The following TLN2 variants were observed in gnomAD, a reference collection of about 807,000 sequenced individuals.
The protein encoded by TLN2 is talin-2.
TLN2 carries 118 observed loss-of-function variants against 294.7 expected under a neutral mutation model. The ratio of observed to expected loss-of-function variants is 0.40; its 90% CI spans 0.34 to 0.47. The LOEUF is 0.47. Ranked by LOEUF, TLN2 falls within the 20% of genes least tolerant of loss-of-function variation. TLN2 has a pLI of 0.84. For synonymous variants in TLN2, 1,431 were observed against 1,304.5 expected (o/e 1.10, Z -2.09); for missense variants, 3,083 against 3,282.2 (o/e 0.94, Z 1.48).
At chr15:62,687,113 T>C (rs1243670365) in intron 12 of TLN2, among the ~76,000 whole-genome samples, 2 of 152,186 alleles carry the variant, frequency 1.3e-5, no homozygotes, top group Non-Finnish European at 2.9e-5. Flanking sequence ...CCCTAGCATA[T>C]ACTGAAAGGA....
chr15:62,728,440 A>G (rs1016441079), intron 28 of TLN2, among the ~76,000 whole-genome samples: 2 of 152,224 alleles, frequency 1.3e-5, no homozygotes, highest in Admixed American at 1.3e-4. Context: ...TTTAGTGAAC[A>G]TAGTAAGCAT....
chr15:62,831,425 T>A (rs776648855), intron 54 of TLN2: 21 of 152,068 alleles, frequency 1.4e-4, no homozygotes, highest in Non-Finnish European at 2.9e-4. Flanking sequence ...TTTGGCAGAA[T>A]GAATTTCCAG....
At chr15:62,734,562 C>A (rs1311635978) in intron 28 of TLN2, among the ~76,000 whole-genome samples, 1 of 152,226 alleles carries the variant, frequency 6.6e-6, no homozygotes, top group Non-Finnish European at 1.5e-5. Flanking sequence ...AATGACCATT[C>A]TCCTCAGATT....
intron 1 of TLN2, among the ~76,000 whole-genome samples, chr15:62,494,251 A>G (rs930412230): frequency 1.3e-5 from 2 of 151,854 alleles, no homozygotes; most frequent in Non-Finnish European, 2.9e-5. Context: ...GGCTGAGGGC[A>G]GTGGACCCTT....
Position 62,771,112 on chromosome 15 carries a change from A to G in TLN2, c.5345A>G (p.Lys1782Arg), listed in dbSNP as rs1206096300. 5.6e-6 allele frequency: 9 copies of G among 1,610,740 alleles called. No homozygotes were observed. In the African/African-American group the frequency reaches 6.7e-5, roughly 12 times the overall value. Reference protein sequence around the residue: ...ESALQMLYAAKEGGGNPKAQH... With the variant: ...ESALQMLYAAREGGGNPKAQH... ...GCCTTGCAGATGTTGTATGCAGCCAAAGAAGGTGGCGGAAACCCCAAGGTA... is the reference window on the plus strand; with the variant it reads ...GCCTTGCAGATGTTGTATGCAGCCAGAGAAGGTGGCGGAAACCCCAAGGTA... The change falls in exon 42 of 59, where the codon AAA (lysine) becomes AGA (arginine). Residue 1782 changes from lysine to arginine, a missense_variant. Physicochemically the swap from Lys to Arg is conservative, Grantham distance 26. Transcript: ENST00000636159.
chr15:62,816,197 CG>C (rs2067102080), intron 52 of TLN2, among the ~76,000 whole-genome samples: 1 of 152,180 alleles, frequency 6.6e-6, no homozygotes, highest in Non-Finnish European at 1.5e-5. Context: ...GCCATCTCCC[CG>C]CTGCCCCGAG....
chr15:62,538,599 C>A (rs1339661457), intron 1 of TLN2, among the ~76,000 whole-genome samples: 1 of 152,142 alleles, frequency 6.6e-6, no homozygotes, highest in Non-Finnish European at 1.5e-5. Context: ...CATCCTTCCT[C>A]CTTGGTTTTA....
intron 3 of TLN2, among the ~76,000 whole-genome samples, chr15:62,633,417 C>T (rs951326811): frequency 1.4e-4 from 21 of 152,182 alleles, no homozygotes; most frequent in Admixed American, 1.4e-3. Context: ...CTACCTTAGG[C>T]CCCTGAGTAG....
intron 43 of TLN2, among the ~76,000 whole-genome samples, chr15:62,780,869 G>A (rs1028391890): frequency 3.1e-4 from 47 of 152,036 alleles, no homozygotes; most frequent in African/African-American, 1.1e-3. Context: ...CAGACTCTTC[G>A]CCTGGTAAGA....
chr15:62,797,395 A>C lies in TLN2; in HGVS notation c.6227A>C (p.Glu2076Ala). The change falls in exon 48 of 59, where the codon GAG becomes GCG. Residue 2076 changes from glutamate to alanine, a missense_variant. Coordinates refer to ENST00000636159, the MANE Select transcript of TLN2 (RefSeq NM_015059.3). ...GCCAGCCTGGGCTCCGACGACCCCGAGACCCAGGTACCAGCAGGGCCTGGG... is the reference window on the plus strand; with the variant it reads ...GCCAGCCTGGGCTCCGACGACCCCGCGACCCAGGTACCAGCAGGGCCTGGG... ...GAASLGSDDPETQVVLINAIK... is the reference protein window; with the variant it reads ...GAASLGSDDPATQVVLINAIK... The C allele has an allele frequency of 6.2e-7, 1 of 1,602,776 alleles. No homozygotes were observed. The highest frequency in any genetic ancestry group is 8.5e-7 in the Non-Finnish European group (1 of 1,176,416).
At chr15:62,402,767 C>T (rs545456381) in intron 1 of TLN2, among the ~76,000 whole-genome samples, 1 of 152,316 alleles carries the variant, frequency 6.6e-6, no homozygotes, top group South Asian at 2.1e-4. Flanking sequence ...CAATTAGAAG[C>T]TACTTTCATC....
At chr15:62,698,182 C>T (rs1020415076) in intron 15 of TLN2, among the ~76,000 whole-genome samples, 9 of 152,252 alleles carry the variant, frequency 5.9e-5, no homozygotes, top group African/African-American at 1.2e-4. Context: ...GAGAAGTCGA[C>T]CAGGTTTTTA....
At chr15:62,785,053 A>T (rs1488327433) in intron 45 of TLN2, among the ~76,000 whole-genome samples, 1 of 152,246 alleles carries the variant, frequency 6.6e-6, no homozygotes, top group Non-Finnish European at 1.5e-5. Context: ...GTACTTGCAT[A>T]CATAAATATC....
chr15:62,408,212 C>CA, intron 1 of TLN2, among the ~76,000 whole-genome samples: 1 of 152,146 alleles, frequency 6.6e-6, no homozygotes, highest in Admixed American at 6.5e-5. Flanking sequence ...TTAGATAAGT[C>CA]ACTGTGTGCC....
rs1300289302 is a variant in TLN2 at position 62,738,293 on chromosome 15, A to C, written c.3647A>C (p.Lys1216Thr). The change falls in exon 30 of 59, where the codon AAG becomes ACG. Residue 1216 changes from lysine (K) to threonine (T), a missense_variant. Transcript: ENST00000636159. ...CAGAAGGATGTGGACGTGGCCTTGA[A>C]GAGCATCGGGGAGTCCAGCAAGAAG... The part of the protein sequence containing the change: ...PGQKDVDVAL[K>T]SIGESSKKLL... 1 of 1,614,186 alleles carries C rather than the reference A, an allele frequency of 6.2e-7. No individual in the cohort carries two copies. The highest frequency in any genetic ancestry group is 8.5e-7 in the Non-Finnish European group (1 of 1,180,014).
intron 55 of TLN2, chr15:62,833,943 T>C (rs902120269): frequency 4.7e-6 from 1 of 212,952 alleles, no homozygotes. Flanking sequence ...ACTGTCATAT[T>C]TTCCTGGTGG....
At chr15:62,467,251 T>C (rs544043140) in intron 1 of TLN2, among the ~76,000 whole-genome samples, 1 of 152,338 alleles carries the variant, frequency 6.6e-6, no homozygotes, top group East Asian at 1.9e-4. Context: ...AGTAGGTTAT[T>C]GTCTGTAGGA....
intron 1 of TLN2, among the ~76,000 whole-genome samples, chr15:62,508,055 A>G (rs1341043924): frequency 1.3e-5 from 2 of 152,002 alleles, no homozygotes; most frequent in Non-Finnish European, 2.9e-5. Context: ...AGGCTTCCAT[A>G]TTGAATTTTC....
At chr15:62,653,368 A>G in intron 7 of TLN2, 54 bp downstream of exon 7, 2 of 1,544,950 alleles carry the variant, frequency 1.3e-6, no homozygotes, top group African/African-American at 1.4e-5. Flanking sequence ...GCTAAGCCTC[A>G]CTTCCCTCCC....
Sources: allele counts gnomAD v4.1 joint callset (sites outside exome capture counted in the v4.1 genomes callset), GRCh38; gene constraint gnomAD v4.1.1; transcripts MANE v1.5; gene names NCBI Gene and HGNC (gene_info 2026-07-23, HGNC 2026-07-21).